AXDND1: variants seen among roughly 807,000 people sequenced by gnomAD.
AXDND1 encodes the protein axonemal dynein light chain domain-containing protein 1.
Under a neutral mutation model 137.5 loss-of-function variants are expected in AXDND1, and 110 were observed. The observed-to-expected ratio is 0.80, with a 90% CI of 0.69 to 0.94. The LOEUF (loss-of-function observed/expected upper bound fraction) is 0.94, where lower values mean the gene tolerates loss of function less well. Ranked by LOEUF, AXDND1 falls within the 40% of genes least tolerant of loss-of-function variation. The pLI, the probability that AXDND1 is intolerant of heterozygous loss-of-function variation, is 0.00. For missense variants in AXDND1, 1,191 were observed against 1,169.8 expected, an observed-to-expected ratio of 1.02 and a Z score of -0.26; for synonymous variants, 414 against 399.7, an observed-to-expected ratio of 1.04 and a Z score of -0.43.
chr1:179,405,678 G>T (rs952989395), intron 11 of AXDND1, among the ~76,000 whole-genome samples: 5 of 151,812 alleles, frequency 3.3e-5, no homozygotes, highest in Non-Finnish European at 5.9e-5. Flanking sequence ...TGTTGTTCAT[G>T]ATTATATTTC....
chr1:179,467,224 A>G (rs148100012), intron 16 of AXDND1, among the ~76,000 whole-genome samples: 23 of 152,280 alleles, frequency 1.5e-4, no homozygotes, highest in South Asian at 4.1e-4. Context: ...ACCCTGAACC[A>G]TTGACTGGCA....
chr1:179,430,702 C>A (rs1419033336), intron 14 of AXDND1, 96 bp downstream of exon 14: 2 of 1,340,328 alleles, frequency 1.5e-6, no homozygotes, highest in African/African-American at 2.9e-5. Context: ...ACCTTGTAAT[C>A]ACTCTAACAT....
chr1:179,403,765 G>C (rs766875926), intron 11 of AXDND1, among the ~76,000 whole-genome samples: 7 of 152,078 alleles, frequency 4.6e-5, no homozygotes, highest in South Asian at 2.1e-4. Flanking sequence ...GTAGAGACAG[G>C]GTATTGCCAT....
chr1:179,401,051 GA>G (rs933998391), intron 11 of AXDND1, among the ~76,000 whole-genome samples: 12 of 151,628 alleles, frequency 7.9e-5, no homozygotes, highest in Non-Finnish European at 1.3e-4. Context: ...CTGAGGTCGG[GA>G]GTTCGAGACC....
At chr1:179,500,250 A>G (rs1459922619) in intron 20 of AXDND1, among the ~76,000 whole-genome samples, 3 of 151,802 alleles carry the variant, frequency 2.0e-5, no homozygotes, top group African/African-American at 4.8e-5. Context: ...TAATGTATCT[A>G]TAGGTACACT....
rs546198488 is a variant in AXDND1 at position 179,406,876 on chromosome 1, G to A, written c.1110-4270G>A. 7.9e-5 allele frequency among the ~76,000 whole-genome samples: 12 copies of A among 152,174 alleles called. No homozygotes were observed. In the East Asian group the frequency reaches 2.3e-3, roughly 29 times the overall value. On this transcript the variant is annotated intron_variant, in intron 11 of 25. Coordinates refer to ENST00000367618, the MANE Select transcript of AXDND1 (RefSeq NM_144696.6). ...ATTCAAGGTTATTATTGATAGGTGA[G>A]GACTTACTCCTGTCATTTTGTTAAT...
chr1:179,410,380 G>A (rs1015170481), intron 11 of AXDND1, among the ~76,000 whole-genome samples: 9 of 151,988 alleles, frequency 5.9e-5, no homozygotes, highest in Non-Finnish European at 7.4e-5. Flanking sequence ...ACAGGCACAC[G>A]CCACCACACC....
At chr1:179,455,769 A>G (rs537356107) in intron 16 of AXDND1, 1 of 174,148 alleles carries the variant, frequency 5.7e-6, no homozygotes, top group South Asian at 1.4e-4. Flanking sequence ...TAGTAGGACA[A>G]TAGAAGTAGG....
chr1:179,534,211 G>A (rs968457306), intron 24 of AXDND1, among the ~76,000 whole-genome samples: 3 of 152,206 alleles, frequency 2.0e-5, no homozygotes, highest in Non-Finnish European at 2.9e-5. Flanking sequence ...GGGAAAGAAT[G>A]TTACATAACT....
chr1:179,398,505 G>A (rs541301910), intron 11 of AXDND1, among the ~76,000 whole-genome samples: 8 of 152,314 alleles, frequency 5.3e-5, no homozygotes, highest in African/African-American at 1.9e-4. Flanking sequence ...TGTTGTGGGG[G>A]TGCATTCTCA....
intron 16 of AXDND1, chr1:179,455,554 A>T (rs1203188524): frequency 1.4e-5 from 2 of 145,890 alleles, no homozygotes; most frequent in Non-Finnish European, 3.0e-5. Flanking sequence ...AGATCGCGCC[A>T]CTGTACTCCA....
chr1:179,456,873 T>C (rs1243073992), intron 16 of AXDND1: 4 of 856,702 alleles, frequency 4.7e-6, no homozygotes, highest in Admixed American at 3.4e-5. Context: ...CATGGAGTTA[T>C]GATTGTCAAA....
At chr1:179,388,641 G>A (rs1649596783) in intron 9 of AXDND1, among the ~76,000 whole-genome samples, 1 of 151,698 alleles carries the variant, frequency 6.6e-6, no homozygotes, top group South Asian at 2.1e-4. Flanking sequence ...AGGCTGCAGT[G>A]CAGTGGCACG....
At position 179,385,369 on chromosome 1, in the gene AXDND1, G is replaced by A; in HGVS notation, c.863+10G>A. On this transcript the variant is annotated intron_variant, in intron 9 of 25. Transcript: ENST00000367618. ...TTCTGTCTAAAGTCAGGTTAGTGCT[G>A]TTATTGGAATGGTCCAGTTTCCTTT... 6.2e-7 allele frequency: 1 copy of A among 1,613,804 alleles called. No individual in the cohort carries two copies. Among genetic ancestry groups the A allele is most frequent in the Non-Finnish European group, 8.5e-7 (1 of 1,179,904 alleles).
chr1:179,542,783 A>G (rs1199004568), intron 25 of AXDND1, among the ~76,000 whole-genome samples: 1 of 152,218 alleles, frequency 6.6e-6, no homozygotes, highest in Non-Finnish European at 1.5e-5. Context: ...GAGAATAGCT[A>G]CATAAAGTTA....
intron 16 of AXDND1, among the ~76,000 whole-genome samples, chr1:179,460,181 C>G (rs35515251): frequency 4.3e-4 from 66 of 151,732 alleles, no homozygotes; most frequent in African/African-American, 1.1e-3. Context: ...TCCTAATGCT[C>G]TCGCTCCCAC....
Position 179,551,328 on chromosome 1 carries a change from C to T in AXDND1, c.3032-3184C>T. On this transcript the variant is annotated intron_variant, in intron 25 of 25. Coordinates refer to ENST00000367618, the MANE Select transcript of AXDND1 (RefSeq NM_144696.6). ...GGTAAAACCACAGTGGAAGGCTTCTCTGTGGACAGAGACTGAAGGGTGTGG... is the reference window on the plus strand; with the variant it reads ...GGTAAAACCACAGTGGAAGGCTTCTTTGTGGACAGAGACTGAAGGGTGTGG... The T allele has an allele frequency of 2.5e-6, 4 of 1,614,164 alleles. No individual in the cohort carries two copies. In the Admixed American group the frequency reaches 6.7e-5, roughly 27 times the overall value.
intron 4 of AXDND1, among the ~76,000 whole-genome samples, chr1:179,378,424 TATGAA>T (rs1288266233): frequency 6.6e-6 from 1 of 152,038 alleles, no homozygotes; most frequent in Non-Finnish European, 1.5e-5. Context: ...GAGTTTGTGA[TATGAA>T]TGAGAAATTT....
chr1:179,519,773 C>T (rs528017216), intron 21 of AXDND1, among the ~76,000 whole-genome samples: 3 of 152,246 alleles, frequency 2.0e-5, no homozygotes, highest in African/African-American at 4.8e-5. Flanking sequence ...TTATACCATG[C>T]TGTTTTGGTT....
Sources: gnomAD v4.1 joint callset for allele counts (sites outside exome capture counted in the v4.1 genomes callset) on GRCh38, gnomAD v4.1.1 for gene constraint, MANE v1.5 for transcripts, NCBI Gene and HGNC (gene_info 2026-07-23, HGNC 2026-07-21) for gene names.